MGAT4B: variants seen among roughly 807,000 people sequenced by gnomAD.
MGAT4B encodes N-acetylglucosaminyltransferase IVb.
A neutral mutation model predicts 73.9 loss-of-function variants in MGAT4B; 38 were observed. The ratio of observed to expected loss-of-function variants is 0.51; its 90% CI spans 0.40 to 0.67. MGAT4B has a LOEUF of 0.67. MGAT4B is among the 30% of genes least tolerant of loss of function. The probability of loss-of-function intolerance (pLI) is 0.00; values close to 1 mark genes in which losing one functional copy is unlikely to be tolerated. For synonymous variants in MGAT4B, 373 were observed against 313.5 expected, an observed-to-expected ratio of 1.19 and a Z score of -2.01; for missense variants, 686 against 735.2, an observed-to-expected ratio of 0.93 and a Z score of 0.77.
In MGAT4B at chr5:179,797,941, C is replaced by G; in HGVS notation, c.*104G>C. On this transcript the variant is annotated 3_prime_UTR_variant, in exon 15 of 15. Transcript: ENST00000292591. ...GCCCAAGCCCGACGCCAGGCAGAAC[C>G]CTTTGGGCGGGGCCGTATCTGGCCC... The G allele has an allele frequency of 2.7e-6, 4 of 1,478,616 alleles. No individual in the cohort carries two copies. The South Asian group carries it at 4.9e-5, about 18-fold the overall frequency. 91.6% of individuals were successfully genotyped at this position (1,478,616 alleles called of 1,614,324 possible). A position where few individuals can be genotyped will look rare whatever the true frequency, so the allele number is the denominator to read the frequency against.
chr5:179,801,087 A>C lies in MGAT4B; in HGVS notation c.559-134T>G. On this transcript the variant is annotated intron_variant, in intron 4 of 14. Transcript: ENST00000292591. This position sits in a 1 kb window ranked among gnomAD's most constrained non-coding sequence, Gnocchi z 4.8. ...AGCCTGCTGTGCTGAGGGCGGAGTA[A>C]GGGGGCCCCCAGAGACGGCCCTTTC... is the stretch of plus-strand genomic sequence containing the variant. 4.7e-6 allele frequency: 6 copies of C among 1,274,536 alleles called. No individual in the cohort carries two copies. Among genetic ancestry groups the C allele is most frequent in the Middle Eastern group, 2.5e-4 (1 of 3,962 alleles). The allele number at this position is 1,274,536 out of a possible 1,614,324, so 79.0% of individuals were successfully genotyped here. A position where few individuals can be genotyped will look rare whatever the true frequency, so the allele number is the denominator to read the frequency against.
In MGAT4B at chr5:179,801,730, G is replaced by A. The variant is rs1370915909; in HGVS notation, c.284-36C>T. The A allele has an allele frequency of 6.3e-7, 1 of 1,594,860 alleles. No homozygotes were observed. Among genetic ancestry groups the A allele is most frequent in the African/African-American group, 1.3e-5 (1 of 74,776 alleles). ...CGGGAAGGATCGGGACTGAGACCAGGGAACCTACAACCAGCCCGCCCCCGC... is the reference window on the plus strand; with the variant it reads ...CGGGAAGGATCGGGACTGAGACCAGAGAACCTACAACCAGCCCGCCCCCGC... On this transcript the variant is annotated intron_variant, in intron 2 of 14. Coordinates refer to ENST00000292591, the MANE Select transcript of MGAT4B (RefSeq NM_014275.5). This position sits in a 1 kb window ranked among gnomAD's most constrained non-coding sequence, Gnocchi z 4.8.
rs756503298 is a variant in MGAT4B at position 179,798,497 on chromosome 5, C to T, written c.1422+16G>A. ...GGAGGCCCGGCTTCAGTGCACACCA[C>T]ACCCACCGAACTTACGTCGAAGGGC... On this transcript the variant is annotated intron_variant, in intron 12 of 14. Transcript: ENST00000292591. The T allele has an allele frequency of 5.6e-6, 9 of 1,613,368 alleles. 1 individual carries two copies. Among genetic ancestry groups the T allele is most frequent in the South Asian group, 4.4e-5 (4 of 91,090 alleles).
chr5:179,806,475 G>C lies in MGAT4B; in HGVS notation c.97+12C>G, dbSNP rs1757164324. 1 of 1,277,428 alleles carries C rather than the reference G, an allele frequency of 7.8e-7. No individual in the cohort carries two copies. The highest frequency in any genetic ancestry group is 4.7e-5 in the East Asian group (1 of 21,256). The allele number at this position is 1,277,428 out of a possible 1,614,324, so 79.1% of individuals were successfully genotyped here. A position where few individuals can be genotyped will look rare whatever the true frequency, so the allele number is the denominator to read the frequency against. On this transcript the variant is annotated intron_variant, in intron 1 of 14. Coordinates refer to ENST00000292591, the MANE Select transcript of MGAT4B (RefSeq NM_014275.5). This position sits in a 1 kb window ranked among gnomAD's most constrained non-coding sequence, Gnocchi z 4.6. ...GTGCGCCAGGTGCGGGCCGGGCGGG[G>C]GTCGCGCTCACCTTTCTGGCCGCTG...
intron 6 of MGAT4B, 94 bp downstream of exon 6, chr5:179,800,390 G>T: frequency 7.0e-7 from 1 of 1,422,038 alleles, no homozygotes; most frequent in Non-Finnish European, 9.9e-7. Context: ...AGAATTCAGG[G>T]CACTGCAGGG....
Position 179,797,792 on chromosome 5 carries a change from G to A in MGAT4B, c.*253C>T. On this transcript the variant is annotated 3_prime_UTR_variant, in exon 15 of 15. Transcript: ENST00000292591. ...CTTCTAAAACGGCCTGACTGGGGCA[G>A]GCCGGGTGCGAACGGTTCCGGGCCT... 3 of 469,324 alleles carry A rather than the reference G, an allele frequency of 6.4e-6. No individual in the cohort carries two copies. The highest frequency in any genetic ancestry group is 1.1e-5 in the Non-Finnish European group (3 of 266,754). The allele number at this position is 469,324 out of a possible 1,614,324, so 29.1% of individuals were successfully genotyped here. A position where few individuals can be genotyped will look rare whatever the true frequency, so the allele number is the denominator to read the frequency against.
At chr5:179,804,311 C>A (rs1485084981) in intron 1 of MGAT4B, among the ~76,000 whole-genome samples, 3 of 152,204 alleles carry the variant, frequency 2.0e-5, no homozygotes, top group Non-Finnish European at 4.4e-5. Flanking sequence ...AGGTGTCTGC[C>A]TCCTCTCCAG....
At chr5:179,804,187 C>G (rs1328015053) in intron 1 of MGAT4B, among the ~76,000 whole-genome samples, 1 of 152,250 alleles carries the variant, frequency 6.6e-6, no homozygotes, top group Non-Finnish European at 1.5e-5. Context: ...ATTAAAGAGC[C>G]AAGCTGGGGC....
chr5:179,799,024 T>C lies in MGAT4B; in HGVS notation c.1247A>G (p.Glu416Gly). The C allele has an allele frequency of 6.2e-7, 1 of 1,613,968 alleles. No homozygotes were observed. Among genetic ancestry groups the C allele is most frequent in the Non-Finnish European group, 8.5e-7 (1 of 1,180,042 alleles). Residue 416 changes from glutamate (E) to glycine (G), a missense_variant, in exon 11 of 15, where the codon GAG (glutamate) becomes GGG (glycine). By Grantham distance (98) the Glu-to-Gly change is moderately conservative (BLOSUM62 -2). Transcript: ENST00000292591. The stretch of plus-strand genomic sequence containing the variant: ...GAAGTCCTCGCGCAGGTAGGCTTTC[T>C]CCAGGGTGAAGTGCTGGTATGTCTT... Reference protein sequence around the residue: ...SLKTYQHFTLEKAYLREDFFW... With the variant: ...SLKTYQHFTLGKAYLREDFFW...
Position 179,801,258 on chromosome 5 carries a change from A to T in MGAT4B, c.558+76T>A. ...GAACTTCCGACAGCTTTCTCCTCGG[A>T]ATGGTTCCTGCTGTCAGTTCTGCAC... On this transcript the variant is annotated intron_variant, in intron 4 of 14. Transcript: ENST00000292591. This position sits in a 1 kb window ranked among gnomAD's most constrained non-coding sequence, Gnocchi z 4.8. 1 of 1,504,524 alleles carries T rather than the reference A, an allele frequency of 6.6e-7. No individual in the cohort carries two copies. Among genetic ancestry groups the T allele is most frequent in the Non-Finnish European group, 8.9e-7 (1 of 1,124,388 alleles). The allele number at this position is 1,504,524 out of a possible 1,614,324, so 93.2% of individuals were successfully genotyped here. A position where few individuals can be genotyped will look rare whatever the true frequency, so the allele number is the denominator to read the frequency against.
intron 13 of MGAT4B, 26 bp from the exon 14 acceptor site, chr5:179,798,303 T>G (rs1581969161): frequency 6.2e-7 from 1 of 1,612,656 alleles, no homozygotes; most frequent in Non-Finnish European, 8.5e-7. Flanking sequence ...GGTGAGAGGG[T>G]GTCCCTGAAC....
intron 1 of MGAT4B, among the ~76,000 whole-genome samples, chr5:179,805,888 G>A (rs989455740): frequency 1.3e-5 from 2 of 152,166 alleles, no homozygotes; most frequent in Admixed American, 6.5e-5. Context: ...CGCGGAGGGC[G>A]GGGGCCAGCC....
In MGAT4B at chr5:179,800,238, G is replaced by A. The variant is rs144262409; in HGVS notation, c.741C>T (p.Leu247=). 77 of 1,613,306 alleles carry A rather than the reference G, an allele frequency of 4.8e-5. No individual in the cohort carries two copies. The highest frequency in any genetic ancestry group is 1.6e-4 in the Middle Eastern group (1 of 6,084). The part of the protein sequence containing the change: ...ERVRWRTKQN[L]DYCFLMMYAQ... Reference sequence around the variant, plus strand: ...CGTACATCATGAGGAAGCAGTAATCGAGGTTCTGTTTGGTCCTCCACCTGT... The same window carrying A: ...CGTACATCATGAGGAAGCAGTAATCAAGGTTCTGTTTGGTCCTCCACCTGT... The change falls in exon 7 of 15, where the codon CTC becomes CTT. Residue 247 remains leucine, a synonymous_variant. Coordinates refer to ENST00000292591, the MANE Select transcript of MGAT4B (RefSeq NM_014275.5).
intron 11 of MGAT4B, 48 bp downstream of exon 11, chr5:179,798,880 G>A (rs1756777982): frequency 6.2e-7 from 1 of 1,603,532 alleles, no homozygotes; most frequent in African/African-American, 1.3e-5. Flanking sequence ...ACACCCTGGG[G>A]GCCACCCAGC....
Position 179,799,597 on chromosome 5 carries a change from T to C in MGAT4B, c.950A>G (p.Glu317Gly). ...FKSLDLSLIV[E>G]FILMFYRDKP... is the part of the protein sequence containing the mutation. ...GTCCCGGTAGAACATGAGAATGAAC[T>C]CTACAATCAGGCTCAGGTCCAGCGA... Residue 317 changes from glutamate (E) to glycine (G), a missense_variant, in exon 9 of 15, where the codon GAG becomes GGG. Physicochemically the swap from Glu to Gly is moderately conservative, Grantham distance 98. Transcript: ENST00000292591. 1 of 1,613,848 alleles carries C rather than the reference T, an allele frequency of 6.2e-7. No homozygotes were observed. The highest frequency in any genetic ancestry group is 8.5e-7 in the Non-Finnish European group (1 of 1,180,006).
intron 1 of MGAT4B, among the ~76,000 whole-genome samples, chr5:179,804,542 C>CCCTT (rs1257886208): frequency 6.6e-6 from 1 of 152,220 alleles, no homozygotes; most frequent in Non-Finnish European, 1.5e-5. Context: ...GGGCCCCAAA[C>CCCTT]CCTTCTCCAG....
chr5:179,799,071 T>G lies in MGAT4B; in HGVS notation c.1200A>C (p.Pro400=). The change falls in exon 11 of 15, where the codon CCA becomes CCC. Residue 400 remains proline, a synonymous_variant. Coordinates refer to ENST00000292591, the MANE Select transcript of MGAT4B (RefSeq NM_014275.5). ...QALRKEHVNP[P]AEVSTSLKTY... ...TCTTCAGGCTCGTGCTCACCTCTGC[T>G]GGCGGGTTCACATGCTCCTTCCGCA... is the stretch of plus-strand genomic sequence containing the variant. 6.2e-7 allele frequency: 1 copy of G among 1,613,974 alleles called. No individual in the cohort carries two copies.
At chr5:179,800,981 A>G in intron 4 of MGAT4B, 28 bp from the exon 5 acceptor site, 1 of 1,613,322 alleles carries the variant, frequency 6.2e-7, no homozygotes, top group Non-Finnish European at 8.5e-7. Context: ...ACCCTCCCTT[A>G]GCCCTGCTGC....
At position 179,799,837 on chromosome 5, in the gene MGAT4B, C is replaced by T. The variant is rs948233592; in HGVS notation, c.910+117G>A. The T allele has an allele frequency of 4.8e-6, 6 of 1,250,826 alleles. No homozygotes were observed. The African/African-American group carries it at 7.4e-5, about 15-fold the overall frequency. The allele number at this position is 1,250,826 out of a possible 1,614,324, so 77.5% of individuals were successfully genotyped here. A position where few individuals can be genotyped will look rare whatever the true frequency, so the allele number is the denominator to read the frequency against. On this transcript the variant is annotated intron_variant, in intron 8 of 14. Coordinates refer to ENST00000292591, the MANE Select transcript of MGAT4B (RefSeq NM_014275.5). Reference sequence around the variant, plus strand: ...ACAGGCCAGGTGGGGCTGTAGCACGCACACCAGGCAGGGCCCACCTGGGCA... The same window carrying T: ...ACAGGCCAGGTGGGGCTGTAGCACGTACACCAGGCAGGGCCCACCTGGGCA...
Sources: allele counts gnomAD v4.1 joint callset (sites outside exome capture counted in the v4.1 genomes callset), GRCh38; gene constraint gnomAD v4.1.1; non-coding constraint Gnocchi (gnomAD v3.1); transcripts MANE v1.5; gene names NCBI Gene and HGNC (gene_info 2026-07-23, HGNC 2026-07-21).